TIA1: variants seen among roughly 807,000 people sequenced by gnomAD.
TIA1 encodes cytotoxic granule associated RNA binding protein TIA1.
In TIA1, 23 loss-of-function variants were observed where a neutral mutation model predicts 65.9. The observed-to-expected ratio is 0.35, with a 90% CI of 0.25 to 0.49. The LOEUF is 0.49. Ranked by LOEUF, TIA1 falls within the 20% of genes least tolerant of loss-of-function variation. The probability of loss-of-function intolerance (pLI) is 0.98; values close to 1 mark genes in which losing one functional copy is unlikely to be tolerated. For missense variants in TIA1, 371 were observed against 477.9 expected, an observed-to-expected ratio of 0.78 and a Z score of 2.09; for synonymous variants, 147 against 149.4, an observed-to-expected ratio of 0.98 and a Z score of 0.12.
intron 1 of TIA1, among the ~76,000 whole-genome samples, chr2:70,242,687 T>C (rs1237385843): frequency 1.3e-5 from 2 of 152,072 alleles, no homozygotes; most frequent in Non-Finnish European, 2.9e-5. Context: ...TATGCGTCCA[T>C]GGCCTGTTAG....
intron 1 of TIA1, among the ~76,000 whole-genome samples, chr2:70,242,494 C>CAA (rs11380260): frequency 0.05 from 1,679 of 33,436 alleles, 551 homozygotes; most frequent in Admixed American, 0.094. Context: ...GACTCAGTCT[C>CAA]AAAAAAAAAA....
At chr2:70,232,585 T>G (rs930743945) in intron 2 of TIA1, among the ~76,000 whole-genome samples, 34 of 143,668 alleles carry the variant, frequency 2.4e-4, no homozygotes, top group Non-Finnish European at 4.5e-4. Flanking sequence ...TTATCTTCCC[T>G]TGGCCGGGCA....
At chr2:70,224,421 A>G in intron 7 of TIA1, 133 bp downstream of exon 7, 1 of 1,282,788 alleles carries the variant, frequency 7.8e-7, no homozygotes, top group Non-Finnish European at 1.1e-6. Context: ...AAAACAGAAG[A>G]AATCTTCTAG....
intron 3 of TIA1, among the ~76,000 whole-genome samples, chr2:70,230,082 A>G (rs559095860): frequency 9.2e-4 from 140 of 152,008 alleles, no homozygotes; most frequent in Non-Finnish European, 1.7e-3. Context: ...TTTCTACTAA[A>G]AATACAAAAA....
intron 6 of TIA1, chr2:70,224,962 T>G (rs979365455): frequency 1.1e-5 from 12 of 1,050,196 alleles, no homozygotes; most frequent in African/African-American, 1.7e-5. Context: ...CACAGGACAT[T>G]AGATGAATGG....
At chr2:70,216,611 T>C in intron 8 of TIA1, 112 bp from the exon 9 acceptor site, 4 of 1,303,606 alleles carry the variant, frequency 3.1e-6, no homozygotes, top group Non-Finnish European at 3.1e-6. Context: ...ATCAAAATGC[T>C]TATATTACAC....
intron 1 of TIA1, 100 bp downstream of exon 1, chr2:70,248,305 G>A (rs1695396386): frequency 7.4e-7 from 1 of 1,354,330 alleles, no homozygotes; most frequent in South Asian, 1.4e-5. Context: ...ACGATATCGC[G>A]GTGTCCACGG....
In TIA1 at chr2:70,209,655, G is replaced by A. The variant is rs1573082645; in HGVS notation, c.*3064C>T. 1 of 398,370 alleles carries A rather than the reference G, an allele frequency of 2.5e-6. No individual in the cohort carries two copies. The highest frequency in any genetic ancestry group is 3.6e-5 in the East Asian group (1 of 27,996). 24.7% of individuals were successfully genotyped at this position (398,370 alleles called of 1,614,324 possible). A position where few individuals can be genotyped will look rare whatever the true frequency, so the allele number is the denominator to read the frequency against. On this transcript the variant is annotated 3_prime_UTR_variant, in exon 13 of 13. Transcript: ENST00000433529. ...AGAATGAATTGAGTTCCTTCTAGGA[G>A]TTGTTTATCCCTGCTCATGCTTAAG...
chr2:70,233,910 A>G (rs1249967049), intron 2 of TIA1, among the ~76,000 whole-genome samples: 1 of 152,216 alleles, frequency 6.6e-6, no homozygotes, highest in African/African-American at 2.4e-5. Context: ...GGAGCATAAA[A>G]TTTATAAATG....
At chr2:70,228,601 C>CA (rs1684774094) in intron 5 of TIA1, 1 of 1,109,188 alleles carries the variant, frequency 9.0e-7, no homozygotes, top group African/African-American at 1.7e-5. Context: ...TTTAAAAATG[C>CA]AAAATTGTTG....
intron 6 of TIA1, among the ~76,000 whole-genome samples, chr2:70,227,122 C>G (rs1231101976): frequency 1.3e-5 from 2 of 152,084 alleles, no homozygotes; most frequent in African/African-American, 4.8e-5. Flanking sequence ...ATATGGCATG[C>G]TTTTCAAAAT....
At position 70,210,611 on chromosome 2, in the gene TIA1, T is replaced by C. The variant is rs192074221; in HGVS notation, c.*2108A>G. ...AGATAGTCAAAATGAAAGAAAACTA[T>C]TTAAATTATTTATGCCCAAATAATT... On this transcript the variant is annotated 3_prime_UTR_variant, in exon 13 of 13. Coordinates refer to ENST00000433529, the MANE Select transcript of TIA1 (RefSeq NM_022173.4). 6.6e-6 allele frequency: 1 copy of C among 152,298 alleles called. No individual in the cohort carries two copies. Among genetic ancestry groups the C allele is most frequent in the East Asian group, 1.9e-4 (1 of 5,192 alleles). The allele number at this position is 152,298 out of a possible 1,614,324, so 9.4% of individuals were successfully genotyped here.
chr2:70,246,213 T>G (rs1694238101), intron 1 of TIA1, among the ~76,000 whole-genome samples: 1 of 152,206 alleles, frequency 6.6e-6, no homozygotes, highest in South Asian at 2.1e-4. Flanking sequence ...CGTGAGCCAC[T>G]GTGCCCAGCC....
intron 8 of TIA1, 29 bp downstream of exon 8, chr2:70,216,857 C>G (rs763451814): frequency 6.2e-7 from 1 of 1,613,908 alleles, no homozygotes; most frequent in East Asian, 2.2e-5. Context: ...CAAAATTCCA[C>G]ATTTCCTTTT....
At chr2:70,214,290 C>A in intron 12 of TIA1, 59 bp downstream of exon 12, 2 of 1,536,934 alleles carry the variant, frequency 1.3e-6, no homozygotes. Context: ...TTTCTTCCTA[C>A]TTAAAATTTC....
intron 3 of TIA1, 22 bp from the exon 4 acceptor site, chr2:70,229,340 A>C: frequency 6.3e-7 from 1 of 1,586,442 alleles, no homozygotes; most frequent in Non-Finnish European, 8.6e-7. Flanking sequence ...AAATTTCTAC[A>C]TTTATACTTC....
intron 1 of TIA1, among the ~76,000 whole-genome samples, chr2:70,237,867 A>G (rs953643930): frequency 2.0e-5 from 3 of 150,028 alleles, no homozygotes; most frequent in Admixed American, 6.6e-5. Context: ...CTGTCTTTAA[A>G]AAGAAAAAAA....
intron 11 of TIA1, 44 bp from the exon 12 acceptor site, chr2:70,214,538 T>TAC (rs1677709059): frequency 6.7e-7 from 1 of 1,490,322 alleles, no homozygotes; most frequent in Non-Finnish European, 9.0e-7. Flanking sequence ...ACTATATATA[T>TAC]ACAATCCTAA....
Position 70,214,376 on chromosome 2 carries a change from C to T in TIA1, c.1007G>A (p.Gly336Asp). The T allele has an allele frequency of 6.2e-7, 1 of 1,613,260 alleles. No homozygotes were observed. The highest frequency in any genetic ancestry group is 8.5e-7 in the Non-Finnish European group (1 of 1,179,670). Reference sequence around the variant, plus strand: ...AAATCCTTGCTGGTTCCATGCCTGGCCATACATTCCATATGCAGGAACTTG... The same window carrying T: ...AAATCCTTGCTGGTTCCATGCCTGGTCATACATTCCATATGCAGGAACTTG... ...GWQVPAYGMY[G>D]QAWNQQGFNQ... Residue 336 changes from glycine (G) to aspartate (D), a missense_variant, in exon 12 of 13, where the codon GGC (glycine) becomes GAC (aspartate). By Grantham distance (94) the Gly-to-Asp change is moderately conservative (BLOSUM62 -1). Transcript: ENST00000433529.
Sources: gnomAD v4.1 joint callset for allele counts (sites outside exome capture counted in the v4.1 genomes callset) on GRCh38, gnomAD v4.1.1 for gene constraint, MANE v1.5 for transcripts, NCBI Gene and HGNC (gene_info 2026-07-23, HGNC 2026-07-21) for gene names.